Variants in PCDH15 observed in about 807,000 individuals in gnomAD.
PCDH15 encodes protocadherin-15.
Under a neutral mutation model 178.5 loss-of-function variants are expected in PCDH15, and 129 were observed. That is an observed-to-expected ratio of 0.72 (90% CI 0.63 to 0.84). The LOEUF (loss-of-function observed/expected upper bound fraction) is 0.84. Among genes scored for constraint, PCDH15 ranks in the 40% least tolerant of loss-of-function variants. The pLI is 0.00. For synonymous variants in PCDH15, 800 were observed against 732.0 expected, an observed-to-expected ratio of 1.09 and a Z score of -1.50; for missense variants, 2,230 against 2,099.9, an observed-to-expected ratio of 1.06 and a Z score of -1.21.
At chr10:55,317,174 TA>T (rs767200445) in intron 1 of PCDH15, among the ~76,000 whole-genome samples, 1 of 152,132 alleles carries the variant, frequency 6.6e-6, no homozygotes, top group South Asian at 2.1e-4. Flanking sequence ...ATCTTTAAAG[TA>T]GAAACATTTT....
chr10:54,550,697 G>GTT (rs2086471765), intron 2 of PCDH15, among the ~76,000 whole-genome samples: 1 of 151,986 alleles, frequency 6.6e-6, no homozygotes, highest in Non-Finnish European at 1.5e-5. Flanking sequence ...TTATCCCAGA[G>GTT]TTTTCTTCAG....
intron 2 of PCDH15, among the ~76,000 whole-genome samples, chr10:54,965,943 A>C (rs1306352440): frequency 6.6e-6 from 1 of 150,808 alleles, no homozygotes; most frequent in African/African-American, 2.4e-5. Context: ...AGCACATATT[A>C]TATAATACAT....
chr10:54,233,771 C>T (rs1564746036), intron 9 of PCDH15, among the ~76,000 whole-genome samples: 1 of 152,174 alleles, frequency 6.6e-6, no homozygotes, highest in African/African-American at 2.4e-5. Flanking sequence ...TTGCTTTTAT[C>T]TTTTTAGAAT....
In PCDH15 at chr10:54,925,215, A is replaced by G. The variant is rs756023229; in HGVS notation, c.-79-27715T>C. Among the ~76,000 whole-genome samples the G allele has an allele frequency of 1.6e-4, 25 of 152,022 alleles. No homozygotes were observed. In the South Asian group the frequency reaches 2.9e-3, roughly 18 times the overall value. Reference sequence around the variant, plus strand: ...TTAAATAAAAAATCCTTTCCTTGTTACTTGCTTTTGTTGACTTTGCTGAAG... The same window carrying G: ...TTAAATAAAAAATCCTTTCCTTGTTGCTTGCTTTTGTTGACTTTGCTGAAG... On this transcript the variant is annotated intron_variant, in intron 2 of 5. Coordinates refer to the PCDH15 transcript ENST00000458638.
At chr10:55,062,946 TA>T (rs1212561329) in intron 2 of PCDH15, among the ~76,000 whole-genome samples, 8 of 152,114 alleles carry the variant, frequency 5.3e-5, no homozygotes, top group African/African-American at 1.9e-4. Context: ...GACACTATAA[TA>T]AAAGATGTAT....
chr10:53,822,447 G>A (rs1197572802), intron 32 of PCDH15: 1 of 1,596,506 alleles, frequency 6.3e-7, no homozygotes. Flanking sequence ...AGCAGGAGCA[G>A]GAGGAGGAGA....
intron 1 of PCDH15, among the ~76,000 whole-genome samples, chr10:55,194,971 C>T (rs1840044883): frequency 6.6e-6 from 1 of 151,884 alleles, no homozygotes; most frequent in African/African-American, 2.4e-5. Flanking sequence ...GTCATTCGCT[C>T]TGCTTTGCCT....
intron 2 of PCDH15, among the ~76,000 whole-genome samples, chr10:55,398,081 T>C (rs1837972288): frequency 6.6e-6 from 1 of 152,082 alleles, no homozygotes; most frequent in African/African-American, 2.4e-5. Flanking sequence ...ATATAGTAAA[T>C]ATACTGTGTC....
rs114129037 is a variant in PCDH15, at chr10:54,581,817, C to T, written c.92-53940G>A. Among the ~76,000 whole-genome samples, 1,491 of 151,792 alleles carry T rather than the reference C, an allele frequency of 9.8e-3. 24 individuals are homozygous for T. Among genetic ancestry groups the T allele is most frequent in the African/African-American group, 0.035 (1,436 of 41,458 alleles). On this transcript the variant is annotated intron_variant, in intron 2 of 37. Transcript: ENST00000644397. ...GTGACAAAGTTGACAAAAGTGAACG[C>T]TGGGTAATGTTCAATATATGGTACT...
intron 18 of PCDH15, among the ~76,000 whole-genome samples, chr10:54,040,040 GTTAT>G (rs918963836): frequency 1.3e-5 from 2 of 151,934 alleles, no homozygotes; most frequent in African/African-American, 4.8e-5. Context: ...GAGTTATTTT[GTTAT>G]TTAGTCATGC....
chr10:55,026,757 G>A (rs1591843384), intron 2 of PCDH15, among the ~76,000 whole-genome samples: 1 of 152,046 alleles, frequency 6.6e-6, no homozygotes, highest in Non-Finnish European at 1.5e-5. Flanking sequence ...GGATATTTTT[G>A]TGGGAAGACA....
At position 55,214,247 on chromosome 10, in the gene PCDH15, A is replaced by G. The variant is rs76207721; in HGVS notation, c.-155-47596T>C. 9.7e-3 allele frequency among the ~76,000 whole-genome samples: 1,483 copies of G among 152,162 alleles called. 35 individuals are homozygous for G. Among genetic ancestry groups the G allele is most frequent in the African/African-American group, 0.034 (1,404 of 41,502 alleles). ...TTGTTAAATGCACCAATTAATATACATTGAATAGTTAAAGCTTTTAAATTA... is the reference window on the plus strand; with the variant it reads ...TTGTTAAATGCACCAATTAATATACGTTGAATAGTTAAAGCTTTTAAATTA... On this transcript the variant is annotated intron_variant, in intron 1 of 5. Coordinates refer to the PCDH15 transcript ENST00000458638.
chr10:53,946,524 T>C (rs895570292), intron 23 of PCDH15, among the ~76,000 whole-genome samples: 2 of 152,202 alleles, frequency 1.3e-5, no homozygotes, highest in Non-Finnish European at 2.9e-5. Flanking sequence ...CTTATCAATA[T>C]GTGCTTAAGT....
chr10:54,975,418 T>C (rs1244204275), intron 2 of PCDH15, among the ~76,000 whole-genome samples: 1 of 152,178 alleles, frequency 6.6e-6, no homozygotes, highest in Non-Finnish European at 1.5e-5. Context: ...TAATATTTTA[T>C]TGATATTTCT....
At chr10:54,633,858 G>A (rs904133882) in intron 2 of PCDH15, among the ~76,000 whole-genome samples, 1 of 152,186 alleles carries the variant, frequency 6.6e-6, no homozygotes, top group Admixed American at 6.6e-5. Flanking sequence ...TAAATCATAA[G>A]AAGAGTTTAG....
intron 1 of PCDH15, among the ~76,000 whole-genome samples, chr10:54,798,673 T>C (rs375789261): frequency 3.3e-5 from 5 of 152,216 alleles, no homozygotes; most frequent in Admixed American, 2.6e-4. Context: ...AATATGATCA[T>C]TTTATGAAGT....
intron 1 of PCDH15, among the ~76,000 whole-genome samples, chr10:55,241,141 G>A (rs562454143): frequency 1.3e-5 from 2 of 152,192 alleles, no homozygotes; most frequent in Non-Finnish European, 2.9e-5. Flanking sequence ...GCTTGCACCC[G>A]GGAGGCGGAG....
chr10:54,658,583 GC>G (rs771298049), intron 2 of PCDH15, among the ~76,000 whole-genome samples: 2 of 152,060 alleles, frequency 1.3e-5, no homozygotes, highest in Non-Finnish European at 2.9e-5. Context: ...TCCCAGACAA[GC>G]AAGTGGTAAG....
At chr10:54,561,483 T>C (rs2133370202) in intron 2 of PCDH15, among the ~76,000 whole-genome samples, 1 of 152,258 alleles carries the variant, frequency 6.6e-6, no homozygotes, top group Non-Finnish European at 1.5e-5. Context: ...GAAAGCAACT[T>C]GTCAGATTTA....
Sources: allele counts gnomAD v4.1 joint callset (sites outside exome capture counted in the v4.1 genomes callset), GRCh38; gene constraint gnomAD v4.1.1; transcripts MANE v1.5; gene names NCBI Gene and HGNC (gene_info 2026-07-23, HGNC 2026-07-21).